MEIOSIN: variants seen among roughly 807,000 people sequenced by gnomAD.
The protein encoded by MEIOSIN is meiosis initiator protein.
Under a neutral mutation model 23.4 loss-of-function variants are expected in MEIOSIN, and 18 were observed. The observed-to-expected ratio is 0.77, with a 90% CI of 0.53 to 1.14. The LOEUF is 1.14. MEIOSIN is among the 50% of genes most tolerant of loss of function. The pLI is 0.00. For synonymous variants in MEIOSIN, 187 were observed against 100.6 expected, an observed-to-expected ratio of 1.86 and a Z score of -5.14; for missense variants, 428 against 242.9, an observed-to-expected ratio of 1.76 and a Z score of -5.07.
intron 13 of MEIOSIN, among the ~76,000 whole-genome samples, chr19:45,762,767 A>C (rs1968971599): frequency 6.6e-6 from 1 of 152,174 alleles, no homozygotes; most frequent in African/African-American, 2.4e-5. Context: ...TGGCTTATAT[A>C]ACCTAGAAAA....
chr19:45,744,972 A>AAG (rs1261107745), intron 3 of MEIOSIN, among the ~76,000 whole-genome samples: 8 of 152,130 alleles, frequency 5.3e-5, no homozygotes, highest in African/African-American at 1.4e-4. Flanking sequence ...TGTGGGGTTG[A>AAG]AGAGAAGGTC....
intron 2 of MEIOSIN, among the ~76,000 whole-genome samples, chr19:45,739,373 G>A (rs754831074): frequency 5.3e-5 from 8 of 152,120 alleles, no homozygotes; most frequent in Admixed American, 3.9e-4. Flanking sequence ...GGCTGGTCTC[G>A]AACTCCTGAC....
At chr19:45,746,536 C>A (rs1968598451) in intron 4 of MEIOSIN, among the ~76,000 whole-genome samples, 1 of 152,106 alleles carries the variant, frequency 6.6e-6, no homozygotes, top group African/African-American at 2.4e-5. Flanking sequence ...CAGGAATAAT[C>A]AGGCCATCTC....
At chr19:45,763,594 G>A (rs1054114366) in intron 14 of MEIOSIN, among the ~76,000 whole-genome samples, 167 bp downstream of exon 14, 6 of 152,122 alleles carry the variant, frequency 3.9e-5, no homozygotes, top group African/African-American at 1.4e-4. Flanking sequence ...CAGGTGTAGG[G>A]GTACCCCACC....
At chr19:45,746,153 G>A (rs1410065227) in intron 4 of MEIOSIN, among the ~76,000 whole-genome samples, 2 of 152,012 alleles carry the variant, frequency 1.3e-5, no homozygotes, top group Non-Finnish European at 2.9e-5. Context: ...TTTTGGTAGA[G>A]ACGAGGTTTT....
intron 4 of MEIOSIN, among the ~76,000 whole-genome samples, chr19:45,747,873 G>T (rs1968622514): frequency 2.0e-5 from 3 of 152,154 alleles, no homozygotes; most frequent in African/African-American, 7.2e-5. Context: ...GCTGAAGCAG[G>T]CAGATTGCTT....
intron 13 of MEIOSIN, among the ~76,000 whole-genome samples, chr19:45,762,439 G>GT (rs1568561448): frequency 6.6e-6 from 1 of 152,042 alleles, no homozygotes; most frequent in Non-Finnish European, 1.5e-5. Context: ...GTTTTGTTTT[G>GT]TTTTTTGAGA....
chr19:45,758,230 G>A (rs958935316), intron 9 of MEIOSIN, among the ~76,000 whole-genome samples: 7 of 151,678 alleles, frequency 4.6e-5, no homozygotes, highest in African/African-American at 1.7e-4. Context: ...CTGACCTCAG[G>A]TGATCCACCT....
intron 4 of MEIOSIN, among the ~76,000 whole-genome samples, chr19:45,746,438 C>T (rs1384607458): frequency 5.3e-5 from 8 of 152,116 alleles, no homozygotes; most frequent in African/African-American, 1.7e-4. Flanking sequence ...CCTGTCCTAC[C>T]GCTTCTGTTG....
chr19:45,761,149 G>A (rs1373719006), intron 11 of MEIOSIN, among the ~76,000 whole-genome samples: 5 of 147,468 alleles, frequency 3.4e-5, no homozygotes, highest in African/African-American at 1.3e-4. Flanking sequence ...TTTTGAGACA[G>A]AGTCTCACTC....
chr19:45,757,382 A>T, intron 9 of MEIOSIN, 105 bp downstream of exon 9: 1 of 635,096 alleles, frequency 1.6e-6, no homozygotes, highest in Non-Finnish European at 2.9e-6. Context: ...GGGAATGGAG[A>T]TCCCCTAAGC....
intron 6 of MEIOSIN, 42 bp downstream of exon 6, chr19:45,753,830 C>T: frequency 1.5e-6 from 1 of 683,348 alleles, no homozygotes. Context: ...GCCCAGGTCA[C>T]CCAGGAGCAG....
chr19:45,736,866 C>T (rs1968416399), intron 2 of MEIOSIN, among the ~76,000 whole-genome samples: 1 of 150,184 alleles, frequency 6.7e-6, no homozygotes, highest in Non-Finnish European at 1.5e-5. Flanking sequence ...CCACTGCGCC[C>T]AGCCTTTTTT....
intron 2 of MEIOSIN, among the ~76,000 whole-genome samples, chr19:45,735,812 G>A (rs1968400222): frequency 6.6e-6 from 1 of 152,064 alleles, no homozygotes; most frequent in South Asian, 2.1e-4. Flanking sequence ...CAGTAGCTGG[G>A]ACTACAGGCT....
chr19:45,755,773 G>A (rs1328841428), intron 7 of MEIOSIN, among the ~76,000 whole-genome samples, 197 bp from the exon 8 acceptor site: 1 of 152,114 alleles, frequency 6.6e-6, no homozygotes, highest in Non-Finnish European at 1.5e-5. Context: ...TAGGGATGTG[G>A]GATTCAAAAA....
rs191749002 is a variant in MEIOSIN at position 45,751,622 on chromosome 19, C to T, written c.418+836C>T. 2.9e-3 allele frequency among the ~76,000 whole-genome samples: 440 copies of T among 151,144 alleles called. 4 individuals carry two copies. The highest frequency in any genetic ancestry group is 0.01 in the African/African-American group (414 of 41,138). ...TGATCTCTGCTCACTGCGACCTCTG[C>T]CTCCCGGGCCTCTGCCAGTATATTT... On this transcript the variant is annotated intron_variant, in intron 5 of 14. Transcript: ENST00000457052.
chr19:45,751,935 A>T (rs1431427456), intron 5 of MEIOSIN, among the ~76,000 whole-genome samples: 2 of 148,444 alleles, frequency 1.3e-5, no homozygotes, highest in African/African-American at 5.0e-5. Flanking sequence ...GTTTCACCAT[A>T]TTGGCCAGGC....
chr19:45,735,274 T>G, intron 1 of MEIOSIN, 103 bp from the exon 2 acceptor site: 1 of 656,690 alleles, frequency 1.5e-6, no homozygotes, highest in Admixed American at 2.2e-5. Flanking sequence ...CTCTGGGTGC[T>G]CAAAGGAGCA....
Position 45,761,800 on chromosome 19 carries a change from G to T in MEIOSIN, c.1367G>T (p.Ser456Ile). The stretch of plus-strand genomic sequence containing the variant: ...AACAGCAAGGCGCCATCCAGCTCCA[G>T]CTCCAGCTCCAGCTCCAGCTCCAGC... ...SGNSKAPSSS[S>I]SSSSSSSSSE... is the part of the protein sequence containing the mutation. Residue 456 changes from serine (S) to isoleucine (I), a missense_variant, in exon 12 of 15, where the codon AGC (serine) becomes ATC (isoleucine). By Grantham distance (142) the Ser-to-Ile change is moderately radical. Coordinates refer to ENST00000457052, the MANE Select transcript of MEIOSIN (RefSeq NM_001310124.2). The T allele has an allele frequency of 1.4e-6, 1 of 696,318 alleles. No homozygotes were observed. The highest frequency in any genetic ancestry group is 2.6e-6 in the Non-Finnish European group (1 of 380,120). The allele number at this position is 696,318 out of a possible 1,614,324, so 43.1% of individuals were successfully genotyped here. A position where few individuals can be genotyped will look rare whatever the true frequency, so the allele number is the denominator to read the frequency against.
Sources: allele counts gnomAD v4.1 joint callset (sites outside exome capture counted in the v4.1 genomes callset), GRCh38; gene constraint gnomAD v4.1.1; transcripts MANE v1.5; gene names NCBI Gene and HGNC (gene_info 2026-07-23, HGNC 2026-07-21).